The following PLEKHA5 variants were observed in gnomAD, a reference collection of about 807,000 sequenced individuals.
PLEKHA5 encodes pleckstrin homology domain-containing family A member 5.
Under a neutral mutation model 181.9 loss-of-function variants are expected in PLEKHA5, and 55 were observed. That is an observed-to-expected ratio of 0.30 (90% confidence interval 0.24 to 0.38). The LOEUF is 0.38. Among genes scored for constraint, PLEKHA5 ranks in the 10% least tolerant of loss-of-function variants. The pLI, the probability that PLEKHA5 is intolerant of heterozygous loss-of-function variation, is 1.00. For missense variants in PLEKHA5, 1,432 were observed against 1,549.5 expected, an observed-to-expected ratio of 0.92 and a Z score of 1.27; for synonymous variants, 535 against 529.4, an observed-to-expected ratio of 1.01 and a Z score of -0.15.
chr12:19,229,404 T>C (rs1190793451), intron 3 of PLEKHA5, among the ~76,000 whole-genome samples: 1 of 152,152 alleles, frequency 6.6e-6, no homozygotes, highest in African/African-American at 2.4e-5. Flanking sequence ...TCGGAGTTTC[T>C]TCCTTCTGGT....
chr12:19,306,469 G>A (rs1170683988), intron 15 of PLEKHA5: 1 of 641,344 alleles, frequency 1.6e-6, no homozygotes, highest in Admixed American at 2.0e-5. Context: ...CACCTCCCAC[G>A]AACCGGTTCC....
intron 3 of PLEKHA5, among the ~76,000 whole-genome samples, chr12:19,204,511 A>G (rs1183477011): frequency 6.6e-6 from 1 of 152,160 alleles, no homozygotes; most frequent in Non-Finnish European, 1.5e-5. Flanking sequence ...TGGCCATTGC[A>G]GCAATTTACT....
intron 3 of PLEKHA5, chr12:19,153,499 GT>G (rs2151342293): frequency 6.6e-6 from 1 of 152,182 alleles, no homozygotes; most frequent in South Asian, 2.1e-4. Context: ...AATGTATAAA[GT>G]TCTCTGTTAC....
chr12:19,139,094 G>T (rs146271067), intron 3 of PLEKHA5, among the ~76,000 whole-genome samples: 50 of 36,684 alleles, frequency 1.4e-3, no homozygotes, highest in Admixed American at 4.4e-3. Flanking sequence ...TGTGGCAGCG[G>T]GAATGGAAAG....
At chr12:19,141,623 G>A (rs2037336018) in intron 3 of PLEKHA5, among the ~76,000 whole-genome samples, 1 of 152,226 alleles carries the variant, frequency 6.6e-6, no homozygotes, top group Non-Finnish European at 1.5e-5. Flanking sequence ...AGTAATAGTT[G>A]AAGTTATTCG....
intron 4 of PLEKHA5, 40 bp downstream of exon 4, chr12:19,254,063 G>T: frequency 1.7e-6 from 2 of 1,203,232 alleles, no homozygotes; most frequent in South Asian, 2.6e-5. Context: ...ATTCAAAATT[G>T]GGTTAGCATT....
intron 20 of PLEKHA5, among the ~76,000 whole-genome samples, chr12:19,331,194 G>A (rs772138107): frequency 5.3e-5 from 8 of 152,064 alleles, no homozygotes; most frequent in Non-Finnish European, 1.2e-4. Context: ...ATTTTAAAAA[G>A]AGGCAATGTG....
chr12:19,275,373 G>C (rs973058679), intron 11 of PLEKHA5, among the ~76,000 whole-genome samples: 2 of 152,226 alleles, frequency 1.3e-5, no homozygotes, highest in Non-Finnish European at 2.9e-5. Context: ...ACAATGCAAG[G>C]ATCTCCTGAG....
rs1327622598 is a variant in PLEKHA5 at position 19,203,824 on chromosome 12, T to TAATA, written c.228-50115_228-50112dup. 4.1e-5 allele frequency among the ~76,000 whole-genome samples: 6 copies of TAATA among 147,470 alleles called. No homozygotes were observed. The East Asian group carries it at 1.2e-3, about 29-fold the overall frequency. On this transcript the variant is annotated intron_variant, in intron 3 of 31. Coordinates refer to ENST00000429027, the MANE Select transcript of PLEKHA5 (RefSeq NM_001256470.2). ...GACTCATATATAACCTGTTCTCAAA[T>TAATA]AATACTTAGAGATCACAGTTAGATT...
chr12:19,240,627 T>G (rs992300392), intron 3 of PLEKHA5, among the ~76,000 whole-genome samples: 1 of 149,450 alleles, frequency 6.7e-6, no homozygotes, highest in Non-Finnish European at 1.5e-5. Flanking sequence ...TTATTATTAT[T>G]AATTATTATT....
chr12:19,303,457 G>A (rs970175652), intron 15 of PLEKHA5: 5 of 152,142 alleles, frequency 3.3e-5, no homozygotes, highest in African/African-American at 1.2e-4. Context: ...ATTTGAAACA[G>A]ACATTTAAAA....
chr12:19,268,572 C>T (rs980903055), intron 8 of PLEKHA5, among the ~76,000 whole-genome samples: 4 of 152,168 alleles, frequency 2.6e-5, no homozygotes, highest in Non-Finnish European at 5.9e-5. Flanking sequence ...AAATGCTTAT[C>T]AGAATGGTAA....
At chr12:19,333,109 A>G (rs1194960892) in intron 20 of PLEKHA5, among the ~76,000 whole-genome samples, 1 of 151,970 alleles carries the variant, frequency 6.6e-6, no homozygotes, top group African/African-American at 2.4e-5. Context: ...ACATGGAGAA[A>G]CCCCGTCTCT....
rs34702332 is a variant in PLEKHA5, at chr12:19,302,906, A to ATTTTTTTTT, written c.2037+11234_2037+11242dup. 2.3e-3 allele frequency among the ~76,000 whole-genome samples: 124 copies of ATTTTTTTTT among 53,998 alleles called. 9 individuals carry two copies. Among genetic ancestry groups the ATTTTTTTTT allele is most frequent in the African/African-American group, 4.2e-3 (56 of 13,308 alleles). 35.4% of individuals were successfully genotyped at this position (53,998 alleles called of 152,430 possible). A position where few individuals can be genotyped will look rare whatever the true frequency, so the allele number is the denominator to read the frequency against. On this transcript the variant is annotated intron_variant, in intron 15 of 31. Coordinates refer to ENST00000429027, the MANE Select transcript of PLEKHA5 (RefSeq NM_001256470.2). ...GTTGGACAGCACTGTTCTGTATGAA[A>ATTTTTTTTT]TTTTTTTTTTTTTTTTTTTTTTTTT... is the stretch of plus-strand genomic sequence containing the variant.
intron 3 of PLEKHA5, among the ~76,000 whole-genome samples, chr12:19,197,083 C>G (rs2052983368): frequency 6.6e-6 from 1 of 152,102 alleles, no homozygotes; most frequent in South Asian, 2.1e-4. Flanking sequence ...TCCCCACTGA[C>G]TCCACACTGC....
Position 19,322,592 on chromosome 12 carries a change from G to C in PLEKHA5, c.2373G>C (p.Gln791His), listed in dbSNP as rs200954532. The C allele has an allele frequency of 2.5e-6, 4 of 1,613,812 alleles. No homozygotes were observed. Among genetic ancestry groups the C allele is most frequent in the Non-Finnish European group, 2.5e-6 (3 of 1,179,826 alleles). ...ATGCAGATAACCCAGCAGCCATTCAGACAGTGGTGTTACAAAGGGATGATT... is the reference window on the plus strand; with the variant it reads ...ATGCAGATAACCCAGCAGCCATTCACACAGTGGTGTTACAAAGGGATGATT... ...EMHADNPAAI[Q>H]TVVLQRDDLQ... The change falls in exon 20 of 32, where the codon CAG becomes CAC. Residue 791 changes from glutamine to histidine, a missense_variant. Physicochemically the swap from Gln to His is conservative, Grantham distance 24 (BLOSUM62 0). This residue lies in a region of PLEKHA5 where 1,143 missense variants were observed against 1,168.4 expected (regional missense o/e 0.98). Transcript: ENST00000429027.
At chr12:19,177,429 A>G (rs1332776522) in intron 3 of PLEKHA5, among the ~76,000 whole-genome samples, 2 of 152,174 alleles carry the variant, frequency 1.3e-5, no homozygotes, top group Non-Finnish European at 2.9e-5. Flanking sequence ...TATAAGGAAG[A>G]TGATATTTCA....
intron 26 of PLEKHA5, among the ~76,000 whole-genome samples, chr12:19,355,360 T>C (rs893862959): frequency 5.4e-5 from 8 of 148,104 alleles, no homozygotes; most frequent in Admixed American, 1.4e-4. Context: ...TTTTTTTTTT[T>C]TTTTTTCAAT....
intron 20 of PLEKHA5, among the ~76,000 whole-genome samples, chr12:19,335,172 C>T (rs912923923): frequency 4.0e-5 from 6 of 149,602 alleles, no homozygotes; most frequent in African/African-American, 1.2e-4. Flanking sequence ...GCTGGGACCA[C>T]AGGCAAGCGC....
Sources: allele counts gnomAD v4.1 joint callset (sites outside exome capture counted in the v4.1 genomes callset), GRCh38; gene constraint gnomAD v4.1.1; regional missense constraint gnomAD v4.1.1; transcripts MANE v1.5; gene names NCBI Gene and HGNC (gene_info 2026-07-23, HGNC 2026-07-21).